MRTFA: variants seen among roughly 807,000 people sequenced by gnomAD.
MRTFA encodes myocardin related transcription factor A.
In MRTFA, 20 loss-of-function variants were observed where a neutral mutation model predicts 83.5. That is an observed-to-expected ratio of 0.24 (90% CI 0.17 to 0.35). MRTFA has a LOEUF of 0.35. Ranked by LOEUF, MRTFA falls within the 10% of genes least tolerant of loss-of-function variation. The pLI, the probability that MRTFA is intolerant of heterozygous loss-of-function variation, is 1.00. For missense variants in MRTFA, 1,200 were observed against 1,224.7 expected (o/e 0.98, Z 0.30); for synonymous variants, 659 against 541.2 (o/e 1.22, Z -3.02).
In MRTFA at chr22:40,459,830, CATATATATATAT is replaced by C. The variant is rs55885079; in HGVS notation, c.307+3379_307+3390del. Among the ~76,000 whole-genome samples, 143 of 86,944 alleles carry C rather than the reference CATATATATATAT, an allele frequency of 1.6e-3. 2 individuals carry two copies. Among genetic ancestry groups the C allele is most frequent in the South Asian group, 0.012 (23 of 1,902 alleles). The allele number at this position is 86,944 out of a possible 152,430, so 57.0% of individuals were successfully genotyped here. ...ACACACACACACACACACATATATA[CATATATATATAT>C]ATATATATATATATATATATACACA... On this transcript the variant is annotated intron_variant, in intron 4 of 14. Transcript: ENST00000355630.
chr22:40,526,577 C>T (rs1372459512), intron 3 of MRTFA: 1 of 152,162 alleles, frequency 6.6e-6, no homozygotes. Context: ...AGTATAAGGA[C>T]TGTGGCTTTT....
chr22:40,429,471 T>C, intron 7 of MRTFA, 135 bp downstream of exon 7: 2 of 1,024,028 alleles, frequency 2.0e-6, no homozygotes, highest in South Asian at 1.4e-5. Flanking sequence ...CTCTGTGCCT[T>C]GGTTCTCCCA....
chr22:40,413,069 G>A (rs1410723368), intron 14 of MRTFA, among the ~76,000 whole-genome samples: 4 of 149,670 alleles, frequency 2.7e-5, no homozygotes, highest in South Asian at 2.1e-4. Context: ...CCCGGGAGGC[G>A]GAGGTTGCAG....
chr22:40,469,242 G>A (rs917258003), intron 3 of MRTFA, among the ~76,000 whole-genome samples: 1 of 152,166 alleles, frequency 6.6e-6, no homozygotes, highest in Non-Finnish European at 1.5e-5. Context: ...TGTTGGAGGC[G>A]GGGCCTAGTG....
rs1465536896 is a variant in MRTFA, at chr22:40,621,754, GAA to G, written c.-84+14722_-84+14723del. On this transcript the variant is annotated intron_variant, in intron 1 of 14. Transcript: ENST00000355630. Reference sequence around the variant, plus strand: ...TCAGAGGGCAGAGTCTCGAGTAAAAGAAAATTACTCACAGGCTTTGAAACATA... The same window carrying G: ...TCAGAGGGCAGAGTCTCGAGTAAAAGAATTACTCACAGGCTTTGAAACATA... 1.1e-3 allele frequency among the ~76,000 whole-genome samples: 161 copies of G among 152,292 alleles called. 4 individuals carry two copies. The East Asian group carries it at 0.022, about 21-fold the overall frequency.
At chr22:40,586,703 T>C (rs1466789376) in intron 2 of MRTFA, 3 of 264,514 alleles carry the variant, frequency 1.1e-5, no homozygotes, top group African/African-American at 4.6e-5. Context: ...AACAAGCTCA[T>C]GCAGCAGGCT....
chr22:40,463,382 A>G, intron 3 of MRTFA, 96 bp from the exon 4 acceptor site: 2 of 1,048,954 alleles, frequency 1.9e-6, no homozygotes, highest in South Asian at 2.6e-5. Flanking sequence ...CTAAAAACAG[A>G]AGGATGTAGT....
chr22:40,577,441 C>A (rs184439654), intron 2 of MRTFA, among the ~76,000 whole-genome samples: 1 of 151,818 alleles, frequency 6.6e-6, no homozygotes, highest in Non-Finnish European at 1.5e-5. Context: ...TCAAATGTAA[C>A]AAGATAAATA....
chr22:40,573,992 C>T (rs1470198161), intron 2 of MRTFA, among the ~76,000 whole-genome samples: 1 of 152,064 alleles, frequency 6.6e-6, no homozygotes, highest in African/African-American at 2.4e-5. Flanking sequence ...TCAAACAATC[C>T]TCCTGCCTTG....
rs1267439785 is a variant in MRTFA, at chr22:40,590,186, G to A, written c.-22+4488C>T. Among the ~76,000 whole-genome samples, 18 of 151,960 alleles carry A rather than the reference G, an allele frequency of 1.2e-4. 1 individual carries two copies. Among genetic ancestry groups the A allele is most frequent in the Admixed American group, 9.2e-4 (14 of 15,258 alleles). The stretch of plus-strand genomic sequence containing the variant: ...CTCTAAGAAGATGTATTGCTACTAC[G>A]ACAACTACATGGCACTTCTGTACAA... On this transcript the variant is annotated intron_variant, in intron 2 of 14. Coordinates refer to ENST00000355630, the MANE Select transcript of MRTFA (RefSeq NM_020831.6).
chr22:40,543,596 A>G (rs2055322087), intron 3 of MRTFA, among the ~76,000 whole-genome samples: 1 of 152,212 alleles, frequency 6.6e-6, no homozygotes, highest in Admixed American at 6.5e-5. Flanking sequence ...CATTTAGAAA[A>G]TAAAATTTTT....
chr22:40,420,823 A>T (rs1195098120), intron 10 of MRTFA, 24 bp downstream of exon 10: 1 of 1,611,904 alleles, frequency 6.2e-7, no homozygotes, highest in Admixed American at 1.7e-5. Context: ...GGGCAGGGGC[A>T]GGCAGTGAGG....
At chr22:40,526,882 T>C (rs1464466383) in intron 3 of MRTFA, among the ~76,000 whole-genome samples, 1 of 152,016 alleles carries the variant, frequency 6.6e-6, no homozygotes, top group African/African-American at 2.4e-5. Flanking sequence ...GGAGGACTGC[T>C]TGAGCTCAGG....
intron 2 of MRTFA, among the ~76,000 whole-genome samples, chr22:40,559,586 T>C (rs551809403): frequency 6.6e-6 from 1 of 152,040 alleles, no homozygotes. Flanking sequence ...TTTCACTTTT[T>C]TGTAGAGACG....
At chr22:40,610,807 G>A (rs911280103) in intron 1 of MRTFA, among the ~76,000 whole-genome samples, 9 of 150,614 alleles carry the variant, frequency 6.0e-5, no homozygotes, top group Non-Finnish European at 8.9e-5. Context: ...AAAAAGTCTT[G>A]GAGGGAAAAA....
At chr22:40,526,183 TTTGTTGTTG>T (rs57693796) in intron 3 of MRTFA, 7 of 151,450 alleles carry the variant, frequency 4.6e-5, no homozygotes, top group South Asian at 2.1e-4. Context: ...GCCTGGCTAA[TTTGTTGTTG>T]TTGTTGTTGT....
intron 1 of MRTFA, among the ~76,000 whole-genome samples, chr22:40,611,049 G>A (rs1163811805): frequency 2.7e-5 from 4 of 148,968 alleles, no homozygotes; most frequent in South Asian, 2.1e-4. Context: ...GTGATTTTCC[G>A]GCCTCAGCCT....
intron 3 of MRTFA, among the ~76,000 whole-genome samples, chr22:40,525,230 G>T (rs1487947673): frequency 6.6e-6 from 1 of 152,164 alleles, no homozygotes; most frequent in Non-Finnish European, 1.5e-5. Flanking sequence ...ACTACTCAGA[G>T]AAAGTTATTC....
intron 3 of MRTFA, among the ~76,000 whole-genome samples, chr22:40,550,977 T>C (rs924562021): frequency 6.6e-6 from 1 of 150,950 alleles, no homozygotes; most frequent in African/African-American, 2.4e-5. Context: ...TCAGCCTCCC[T>C]AGTAGCTGGG....
Sources: gnomAD v4.1 joint callset for allele counts (sites outside exome capture counted in the v4.1 genomes callset) on GRCh38, gnomAD v4.1.1 for gene constraint, MANE v1.5 for transcripts, NCBI Gene and HGNC (gene_info 2026-07-23, HGNC 2026-07-21) for gene names.